The following MAP2 variants were observed in gnomAD, a reference collection of about 807,000 sequenced individuals.
MAP2 encodes microtubule associated protein 2.
A neutral mutation model predicts 137.6 loss-of-function variants in MAP2; 14 were observed. That is an observed-to-expected ratio of 0.10 (90% CI 0.07 to 0.16). MAP2 has a LOEUF of 0.16. Among genes scored for constraint, MAP2 ranks in the 10% least tolerant of loss-of-function variants. The pLI, the probability that MAP2 is intolerant of heterozygous loss-of-function variation, is 1.00. For synonymous variants in MAP2, 786 were observed against 782.3 expected (o/e 1.00, Z -0.08); for missense variants, 2,088 against 2,191.5 (o/e 0.95, Z 0.94).
intron 2 of MAP2, among the ~76,000 whole-genome samples, chr2:209,573,081 A>G (rs2074669807): frequency 6.6e-6 from 1 of 152,156 alleles, no homozygotes; most frequent in South Asian, 2.1e-4. Context: ...AGATTCCCAC[A>G]TGAATCAGAG....
chr2:209,683,835 C>T (rs1044517369), intron 7 of MAP2, among the ~76,000 whole-genome samples: 7 of 152,110 alleles, frequency 4.6e-5, no homozygotes, highest in African/African-American at 1.2e-4. Flanking sequence ...ATTAATTCAG[C>T]GATTTTGAGG....
At chr2:209,482,420 CTTCAGTTAA>C (rs1470839150) in intron 1 of MAP2, among the ~76,000 whole-genome samples, 1 of 152,160 alleles carries the variant, frequency 6.6e-6, no homozygotes, top group East Asian at 1.9e-4. Flanking sequence ...GCAGCATTGA[CTTCAGTTAA>C]TTCAGTTAAT....
At chr2:209,516,979 A>G (rs2062600394) in intron 2 of MAP2, among the ~76,000 whole-genome samples, 1 of 152,166 alleles carries the variant, frequency 6.6e-6, no homozygotes, top group East Asian at 1.9e-4. Flanking sequence ...TCTATTTCAT[A>G]CAAGTGTTGT....
At chr2:209,439,117 C>T (rs72995674) in intron 1 of MAP2, among the ~76,000 whole-genome samples, 10,265 of 151,384 alleles carry the variant, frequency 0.068, 455 homozygotes, top group Middle Eastern at 0.11. Flanking sequence ...AAAGTTTCTT[C>T]TCTAATTCCG....
chr2:209,572,099 A>T (rs990829475), intron 2 of MAP2, among the ~76,000 whole-genome samples: 6 of 152,074 alleles, frequency 3.9e-5, no homozygotes, highest in African/African-American at 4.8e-5. Flanking sequence ...TTTTTAAAAA[A>T]ATCATCATAC....
At position 209,665,623 on chromosome 2, in the gene MAP2, C is replaced by A. The variant is rs369912931; in HGVS notation, c.262+12191C>A. Among the ~76,000 whole-genome samples the A allele has an allele frequency of 1.1e-4, 16 of 152,186 alleles. No homozygotes were observed. In the South Asian group the frequency reaches 3.3e-3, roughly 32 times the overall value. ...ATCGTCTTGGAAAGATATTATGTAT[C>A]CTATTTTTGAAGACCAAATGTCACC... is the stretch of plus-strand genomic sequence containing the variant. On this transcript the variant is annotated intron_variant, in intron 5 of 15. Transcript: ENST00000682079.
chr2:209,641,469 T>G lies in MAP2; in HGVS notation c.-29-11673T>G, dbSNP rs543451926. 2.6e-5 allele frequency among the ~76,000 whole-genome samples: 4 copies of G among 152,070 alleles called. No homozygotes were observed. The South Asian group carries it at 8.3e-4, about 32-fold the overall frequency. ...CTCCTTATAAAGAAAAATTCTAATG[T>G]AGGGGTCAAAGTTTATTTGTTCAAT... is the stretch of plus-strand genomic sequence containing the variant. On this transcript the variant is annotated intron_variant, in intron 4 of 15. Coordinates refer to ENST00000682079, the MANE Select transcript of MAP2 (RefSeq NM_001375505.1).
At chr2:209,589,491 G>A (rs1286811511) in intron 3 of MAP2, among the ~76,000 whole-genome samples, 1 of 152,084 alleles carries the variant, frequency 6.6e-6, no homozygotes. Context: ...GCTAAAATAA[G>A]GAATCTAAGG....
chr2:209,651,003 A>G (rs1049904944), intron 4 of MAP2, among the ~76,000 whole-genome samples: 1 of 152,222 alleles, frequency 6.6e-6, no homozygotes, highest in Non-Finnish European at 1.5e-5. Flanking sequence ...TAGGATACTG[A>G]TGTAGGCAAG....
intron 2 of MAP2, among the ~76,000 whole-genome samples, chr2:209,530,334 A>G (rs570515342): frequency 9.2e-5 from 14 of 152,330 alleles, no homozygotes; most frequent in Admixed American, 5.9e-4. Flanking sequence ...AGTCATTATT[A>G]AAAATAAACA....
chr2:209,649,175 C>A (rs1463100223), intron 4 of MAP2, among the ~76,000 whole-genome samples: 1 of 149,480 alleles, frequency 6.7e-6, no homozygotes, highest in African/African-American at 2.5e-5. Flanking sequence ...CTGCACCCAG[C>A]TAATTAAAAA....
In MAP2 at chr2:209,687,082, G is replaced by A. The variant is rs1003514249; in HGVS notation, c.455-5543G>A. On this transcript the variant is annotated intron_variant, in intron 7 of 15. Coordinates refer to ENST00000682079, the MANE Select transcript of MAP2 (RefSeq NM_001375505.1). ...CCAAAGAAAGAGCTATGCTGACTGC[G>A]CATTTCTTATTAAGGCAGGAAAGAG... 2.4e-4 allele frequency among the ~76,000 whole-genome samples: 36 copies of A among 151,550 alleles called. 1 individual carries two copies. The South Asian group carries it at 5.9e-3, about 25-fold the overall frequency.
intron 2 of MAP2, among the ~76,000 whole-genome samples, chr2:209,508,670 C>T (rs559400426): frequency 3.0e-4 from 46 of 151,118 alleles, no homozygotes; most frequent in Non-Finnish European, 5.2e-4. Flanking sequence ...TTCCTATCTT[C>T]GAAATCTGTA....
At chr2:209,555,873 C>T (rs2153321940) in intron 2 of MAP2, among the ~76,000 whole-genome samples, 1 of 152,262 alleles carries the variant, frequency 6.6e-6, no homozygotes, top group South Asian at 2.1e-4. Flanking sequence ...GTCACATTCT[C>T]AGCATCTGCA....
At position 209,610,319 on chromosome 2, in the gene MAP2, G is replaced by C. The variant is rs140655846; in HGVS notation, c.-106-14734G>C. 7.4e-3 allele frequency among the ~76,000 whole-genome samples: 1,127 copies of C among 152,098 alleles called. 14 individuals are homozygous for C. Among genetic ancestry groups the C allele is most frequent in the African/African-American group, 0.026 (1,064 of 41,500 alleles). On this transcript the variant is annotated intron_variant, in intron 3 of 15. Coordinates refer to ENST00000682079, the MANE Select transcript of MAP2 (RefSeq NM_001375505.1). ...TGTGTGGAATGAGGCTGGAAAGTAA[G>C]GTTAAATGATGCCAAATCTTCCAGG...
rs13000863 is a variant in MAP2, at chr2:209,632,075, G to A, written c.-30+6946G>A. 0.014 allele frequency among the ~76,000 whole-genome samples: 2,195 copies of A among 152,274 alleles called. 130 individuals are homozygous for A. The South Asian group carries it at 0.22, about 15-fold the overall frequency. On this transcript the variant is annotated intron_variant, in intron 4 of 15. Coordinates refer to ENST00000682079, the MANE Select transcript of MAP2 (RefSeq NM_001375505.1). The stretch of plus-strand genomic sequence containing the variant: ...TGAGTTAGGAAGTTTGATTACACTG[G>A]CAAAGATATGTAGAATGAATTAGAC...
In MAP2 at chr2:209,613,870, G is replaced by C. The variant is rs868664751; in HGVS notation, c.-106-11183G>C. On this transcript the variant is annotated intron_variant, in intron 3 of 15. Transcript: ENST00000682079. Reference sequence around the variant, plus strand: ...GAGCCCAGGGTAACCCAAGCAAGGAGTCAACAGCCCTCACATTCCTTTGGA... The same window carrying C: ...GAGCCCAGGGTAACCCAAGCAAGGACTCAACAGCCCTCACATTCCTTTGGA... 5.3e-5 allele frequency among the ~76,000 whole-genome samples: 8 copies of C among 152,248 alleles called. 1 individual carries two copies. In the Middle Eastern group the frequency reaches 0.024, roughly 453 times the overall value.
intron 3 of MAP2, among the ~76,000 whole-genome samples, chr2:209,624,610 A>C (rs1396946321): frequency 6.6e-6 from 1 of 152,174 alleles, no homozygotes; most frequent in Non-Finnish European, 1.5e-5. Context: ...ATTCCTCTCC[A>C]TCCTGTGCTG....
At chr2:209,448,954 A>C (rs1477899606) in intron 1 of MAP2, among the ~76,000 whole-genome samples, 2 of 152,168 alleles carry the variant, frequency 1.3e-5, no homozygotes, top group Non-Finnish European at 2.9e-5. Flanking sequence ...ACTTATGGCC[A>C]CAGTTTTTGG....
Sources: allele counts gnomAD v4.1 joint callset (sites outside exome capture counted in the v4.1 genomes callset), GRCh38; gene constraint gnomAD v4.1.1; transcripts MANE v1.5; gene names NCBI Gene and HGNC (gene_info 2026-07-23, HGNC 2026-07-21).